STK3: variants seen among roughly 807,000 people sequenced by gnomAD.
STK3 encodes the protein serine/threonine-protein kinase 3.
In STK3, 41 loss-of-function variants were observed where a neutral mutation model predicts 58.0. That is an observed-to-expected ratio of 0.71 (90% CI 0.55 to 0.92). The LOEUF is 0.92. STK3 is among the 40% of genes least tolerant of loss of function. The pLI is 0.00. For synonymous variants in STK3, 170 were observed against 191.0 expected (o/e 0.89, Z 0.91); for missense variants, 479 against 602.7 (o/e 0.79, Z 2.15).
At chr8:98,710,348 C>T (rs906600001) in intron 4 of STK3, among the ~76,000 whole-genome samples, 1 of 152,186 alleles carries the variant, frequency 6.6e-6, no homozygotes, top group African/African-American at 2.4e-5. Flanking sequence ...CGGGGCATCA[C>T]CTCACCTGGG....
chr8:98,820,299 C>G (rs570120382), intron 1 of STK3, among the ~76,000 whole-genome samples: 20 of 152,278 alleles, frequency 1.3e-4, no homozygotes, highest in African/African-American at 4.6e-4. Flanking sequence ...TTAAAGAACT[C>G]ACCTGTCTTG....
intron 4 of STK3, among the ~76,000 whole-genome samples, chr8:98,743,889 G>GA (rs911874865): frequency 1.3e-5 from 2 of 151,830 alleles, no homozygotes; most frequent in Admixed American, 1.3e-4. Context: ...AAATTTACAA[G>GA]AAAAAAACAA....
In STK3 at chr8:98,901,570, G is replaced by A. The variant is rs78313211; in HGVS notation, c.-78-17736C>T. 5.1e-4 allele frequency among the ~76,000 whole-genome samples: 78 copies of A among 152,360 alleles called. 2 individuals are homozygous for A. Among genetic ancestry groups the A allele is most frequent in the Middle Eastern group, 6.8e-3 (2 of 294 alleles). On this transcript the variant is annotated intron_variant, in intron 1 of 1. Coordinates refer to the STK3 transcript ENST00000519420. The stretch of plus-strand genomic sequence containing the variant: ...TGCAACTCTTGCAACTGCAGGAGCA[G>A]CAGGGGTTCCCAGGCTGAAATTCCA...
At chr8:98,655,514 A>C (rs1227105837) in intron 6 of STK3, among the ~76,000 whole-genome samples, 1 of 152,248 alleles carries the variant, frequency 6.6e-6, no homozygotes, top group East Asian at 1.9e-4. Flanking sequence ...GAGCTTCTGC[A>C]CAGCAAAAGA....
intron 6 of STK3, among the ~76,000 whole-genome samples, chr8:98,698,121 C>T (rs982016635): frequency 2.4e-4 from 37 of 151,996 alleles, no homozygotes; most frequent in Non-Finnish European, 4.9e-4. Flanking sequence ...TATGTAATGG[C>T]CTTCTTTGTC....
At chr8:98,922,304 AG>A (rs1189439636) in intron 1 of STK3, among the ~76,000 whole-genome samples, 6 of 152,358 alleles carry the variant, frequency 3.9e-5, no homozygotes, top group Non-Finnish European at 7.4e-5. Flanking sequence ...AGGATTGTAG[AG>A]GAGAAATAAA....
chr8:98,404,476 C>T (rs1340511281), intron 3 of STK3, among the ~76,000 whole-genome samples: 2 of 151,974 alleles, frequency 1.3e-5, no homozygotes, highest in Non-Finnish European at 1.5e-5. Flanking sequence ...GTCAGGAGAT[C>T]GAGACCATCC....
chr8:98,396,305 G>C (rs542671975), intron 3 of STK3, among the ~76,000 whole-genome samples: 81 of 152,338 alleles, frequency 5.3e-4, no homozygotes, highest in Non-Finnish European at 8.2e-4. Flanking sequence ...AATAATACAG[G>C]AGCTGAAATT....
At chr8:98,357,406 A>G in the STK3 span, among the ~76,000 whole-genome samples, 1 of 152,218 alleles carries the variant, frequency 6.6e-6, no homozygotes, top group Non-Finnish European at 1.5e-5. Context: ...CCAAGTGTCC[A>G]GACTCTAATG....
At chr8:98,757,996 C>T (rs1477894999) in intron 3 of STK3, among the ~76,000 whole-genome samples, 1 of 152,158 alleles carries the variant, frequency 6.6e-6, no homozygotes, top group Admixed American at 6.5e-5. Flanking sequence ...TGTTTTTAAA[C>T]CAGCATGTTG....
chr8:98,934,745 G>A (rs1214326806), intron 1 of STK3, among the ~76,000 whole-genome samples: 2 of 151,856 alleles, frequency 1.3e-5, no homozygotes, highest in Non-Finnish European at 2.9e-5. Context: ...GTGAAACCCC[G>A]TCTCTACTAA....
At chr8:98,744,333 A>C (rs913172642) in intron 4 of STK3, among the ~76,000 whole-genome samples, 4 of 152,078 alleles carry the variant, frequency 2.6e-5, no homozygotes, top group African/African-American at 9.7e-5. Flanking sequence ...AACCAACCCA[A>C]ATGTCCAACA....
chr8:98,694,801 C>T (rs1824726535), intron 6 of STK3, among the ~76,000 whole-genome samples: 1 of 152,168 alleles, frequency 6.6e-6, no homozygotes, highest in Non-Finnish European at 1.5e-5. Flanking sequence ...AATAGTGCCA[C>T]AATAAACATA....
chr8:98,738,060 A>C (rs1027806268), intron 4 of STK3, among the ~76,000 whole-genome samples: 1 of 152,240 alleles, frequency 6.6e-6, no homozygotes, highest in African/African-American at 2.4e-5. Context: ...AAAAAGAAGA[A>C]CTGAACACAA....
chr8:98,808,509 GGA>G (rs768292469), intron 1 of STK3, among the ~76,000 whole-genome samples: 22 of 152,202 alleles, frequency 1.4e-4, no homozygotes, highest in Non-Finnish European at 3.1e-4. Context: ...TCAGAAGAAA[GGA>G]GAGAGCTGTT....
intron 2 of STK3, among the ~76,000 whole-genome samples, chr8:98,372,692 C>T (rs762128182): frequency 2.0e-5 from 3 of 152,210 alleles, no homozygotes; most frequent in Non-Finnish European, 2.9e-5. Flanking sequence ...ACATTGGCTC[C>T]GCTTCAGTCT....
At chr8:98,471,538 C>G (rs1216453630) in intron 10 of STK3, among the ~76,000 whole-genome samples, 2 of 151,946 alleles carry the variant, frequency 1.3e-5, no homozygotes, top group Non-Finnish European at 2.9e-5. Context: ...AATCATCTAA[C>G]GCAAAGCCTA....
intron 6 of STK3, among the ~76,000 whole-genome samples, chr8:98,650,696 A>T (rs552546920): frequency 6.6e-6 from 1 of 152,206 alleles, no homozygotes; most frequent in Non-Finnish European, 1.5e-5. Flanking sequence ...TATCCCGCCC[A>T]TGGCTCGGAG....
chr8:98,463,436 T>C (rs906080142), intron 10 of STK3, among the ~76,000 whole-genome samples: 1 of 152,084 alleles, frequency 6.6e-6, no homozygotes, highest in East Asian at 1.9e-4. Flanking sequence ...TACTAGCTCT[T>C]GTATAAAACA....
Sources: gnomAD v4.1 joint callset for allele counts (sites outside exome capture counted in the v4.1 genomes callset) on GRCh38, gnomAD v4.1.1 for gene constraint, MANE v1.5 for transcripts, NCBI Gene and HGNC (gene_info 2026-07-23, HGNC 2026-07-21) for gene names.